SYTL2: variants seen among roughly 807,000 people sequenced by gnomAD.
The protein encoded by SYTL2 is synaptotagmin like 2, also known as synaptotagmin-like protein 2.
In SYTL2, 165 loss-of-function variants were observed where a neutral mutation model predicts 198.7. The ratio of observed to expected loss-of-function variants is 0.83; its 90% CI spans 0.73 to 0.94. SYTL2 has a LOEUF of 0.94. SYTL2 is among the 40% of genes least tolerant of loss of function. The pLI, the probability that SYTL2 is intolerant of heterozygous loss-of-function variation, is 0.00. For synonymous variants in SYTL2, 966 were observed against 917.7 expected (o/e 1.05, Z -0.95); for missense variants, 2,835 against 2,582.8 (o/e 1.10, Z -2.12).
At chr11:85,719,295 T>A (rs1358412178) in intron 9 of SYTL2, 4 of 1,163,268 alleles carry the variant, frequency 3.4e-6, no homozygotes, top group Admixed American at 4.0e-5. Context: ...ACTGAAGAGA[T>A]GTAACTGGGG....
chr11:85,722,470 A>C (rs487964), intron 8 of SYTL2, among the ~76,000 whole-genome samples: 3 of 151,892 alleles, frequency 2.0e-5, no homozygotes, highest in African/African-American at 7.3e-5. Flanking sequence ...CACCGTGCCC[A>C]GCCTAGGTGA....
intron 3 of SYTL2, 152 bp downstream of exon 3, chr11:85,748,120 A>T: frequency 1.1e-6 from 1 of 912,682 alleles, no homozygotes; most frequent in Non-Finnish European, 1.6e-6. Context: ...TCCAAATCCA[A>T]GGCAAGGGAA....
chr11:85,751,019 C>T (rs1305586977), intron 2 of SYTL2, among the ~76,000 whole-genome samples: 1 of 145,982 alleles, frequency 6.9e-6, no homozygotes, highest in Non-Finnish European at 1.5e-5. Context: ...AAATGACTGT[C>T]TGTAAGCCCA....
chr11:85,779,250 A>G (rs2092514971), intron 1 of SYTL2, among the ~76,000 whole-genome samples: 1 of 152,102 alleles, frequency 6.6e-6, no homozygotes, highest in African/African-American at 2.4e-5. Context: ...GCCATAGAAG[A>G]GTGTTCTAAC....
chr11:85,844,056 G>C, the SYTL2 span, among the ~76,000 whole-genome samples: 3 of 152,162 alleles, frequency 2.0e-5, no homozygotes, highest in African/African-American at 2.4e-5. Context: ...TCAATTTCAG[G>C]GTCAAAGAAT....
In SYTL2 at chr11:85,695,035, G is replaced by T. The variant is rs928001482; in HGVS notation, c.*160C>A. 3.6e-5 allele frequency: 21 copies of T among 580,766 alleles called. No homozygotes were observed. Among genetic ancestry groups the T allele is most frequent in the Admixed American group, 1.7e-4 (5 of 29,616 alleles). The allele number at this position is 580,766 out of a possible 1,614,324, so 36.0% of individuals were successfully genotyped here. A position where few individuals can be genotyped will look rare whatever the true frequency, so the allele number is the denominator to read the frequency against. ...GTTATATTTAAATCCCTTGGGCCTT[G>T]TAATCAAAGAAGCACATGCAGATTG... is the stretch of plus-strand genomic sequence containing the variant. On this transcript the variant is annotated 3_prime_UTR_variant, in exon 20 of 20. Coordinates refer to ENST00000359152, the MANE Select transcript of SYTL2 (RefSeq NM_206927.4).
At chr11:85,784,224 A>C (rs1425955970) in intron 1 of SYTL2, among the ~76,000 whole-genome samples, 1 of 152,224 alleles carries the variant, frequency 6.6e-6, no homozygotes, top group African/African-American at 2.4e-5. Context: ...CAGTGAATTC[A>C]GCTGAGACTA....
chr11:85,775,717 G>A (rs1051472289), intron 1 of SYTL2, among the ~76,000 whole-genome samples: 1 of 152,154 alleles, frequency 6.6e-6, no homozygotes, highest in South Asian at 2.1e-4. Flanking sequence ...CTGACCTCAA[G>A]TAATCTGCCC....
intron 2 of SYTL2, among the ~76,000 whole-genome samples, chr11:85,748,696 A>T (rs950304627): frequency 6.6e-6 from 1 of 152,226 alleles, no homozygotes; most frequent in African/African-American, 2.4e-5. Context: ...TTTTGGCTGC[A>T]TTCTTCAGTG....
chr11:85,853,779 C>G, the SYTL2 span: 1 of 151,308 alleles, frequency 6.6e-6, no homozygotes, highest in Non-Finnish European at 1.5e-5. Flanking sequence ...TTCTCCAAAG[C>G]AAAAAGTCAG....
At chr11:85,809,665 A>C (rs2093005097) in intron 1 of SYTL2, among the ~76,000 whole-genome samples, 1 of 152,218 alleles carries the variant, frequency 6.6e-6, no homozygotes, top group Non-Finnish European at 1.5e-5. Flanking sequence ...GGTATAGTAC[A>C]TCACCCCTCA....
At chr11:85,827,033 CAT>C in the SYTL2 span, among the ~76,000 whole-genome samples, 2 of 152,318 alleles carry the variant, frequency 1.3e-5, no homozygotes, top group African/African-American at 4.8e-5. Context: ...ACCCAGAAAG[CAT>C]AGTCTCAGGG....
chr11:85,842,950 T>A, the SYTL2 span, among the ~76,000 whole-genome samples: 1 of 152,116 alleles, frequency 6.6e-6, no homozygotes, highest in African/African-American at 2.4e-5. Context: ...CAAAATACTT[T>A]TGGATGAAAA....
intron 1 of SYTL2, among the ~76,000 whole-genome samples, chr11:85,788,878 G>T (rs2092678922): frequency 1.3e-5 from 2 of 151,358 alleles, no homozygotes; most frequent in African/African-American, 2.4e-5. Flanking sequence ...ACTCACATTT[G>T]GTTGCTTTAC....
upstream of SYTL2, among the ~76,000 whole-genome samples, chr11:85,815,864 A>C (rs12575809): frequency 5.9e-5 from 9 of 152,324 alleles, no homozygotes; most frequent in South Asian, 1.7e-3. Flanking sequence ...GCCTTCCTTT[A>C]AAAAGTAAAG....
At chr11:85,794,356 T>A (rs981273293) in intron 1 of SYTL2, among the ~76,000 whole-genome samples, 8 of 151,940 alleles carry the variant, frequency 5.3e-5, no homozygotes, top group African/African-American at 1.9e-4. Context: ...TTTTTAAATT[T>A]TTTTTCTAGA....
chr11:85,814,049 T>C (rs1255821935), upstream of SYTL2, among the ~76,000 whole-genome samples: 2 of 152,200 alleles, frequency 1.3e-5, no homozygotes, highest in Admixed American at 6.5e-5. Flanking sequence ...TTCTATAAAA[T>C]AGAAGTAGTC....
At chr11:85,710,992 T>TAG in intron 13 of SYTL2, 121 bp downstream of exon 13, 3 of 1,084,760 alleles carry the variant, frequency 2.8e-6, no homozygotes, top group Admixed American at 2.6e-5. Context: ...AATTATGGAT[T>TAG]AGAGAAACTG....
the SYTL2 span, among the ~76,000 whole-genome samples, chr11:85,845,651 G>A: frequency 7.1e-4 from 108 of 152,270 alleles, 2 homozygotes; most frequent in East Asian, 0.019. Flanking sequence ...GCTCACACCT[G>A]TAATCCCAGC....
Sources: gnomAD v4.1 joint callset for allele counts (sites outside exome capture counted in the v4.1 genomes callset) on GRCh38, gnomAD v4.1.1 for gene constraint, MANE v1.5 for transcripts, NCBI Gene and HGNC (gene_info 2026-07-23, HGNC 2026-07-21) for gene names.